The following GAB2 variants were observed in gnomAD, a reference collection of about 807,000 sequenced individuals.
The protein encoded by GAB2 is GRB2-associated-binding protein 2.
A neutral mutation model predicts 65.5 loss-of-function variants in GAB2; 26 were observed. The observed-to-expected ratio is 0.40, with a 90% confidence interval of 0.29 to 0.55. GAB2 has a LOEUF of 0.55. GAB2 is among the 20% of genes least tolerant of loss of function. The pLI, the probability that GAB2 is intolerant of heterozygous loss-of-function variation, is 0.53. For missense variants in GAB2, 884 were observed against 875.8 expected (o/e 1.01, Z -0.12); for synonymous variants, 321 against 329.6 (o/e 0.97, Z 0.28).
chr11:78,250,923 C>T (rs532332100), intron 2 of GAB2, among the ~76,000 whole-genome samples: 4 of 152,060 alleles, frequency 2.6e-5, no homozygotes, highest in East Asian at 1.9e-4. Flanking sequence ...GACATAAAGA[C>T]GGAAACAGTA....
intron 2 of GAB2, among the ~76,000 whole-genome samples, chr11:78,276,813 T>A (rs1016639881): frequency 2.1e-5 from 2 of 96,994 alleles, no homozygotes; most frequent in South Asian, 4.2e-4. Context: ...TTATTTATTT[T>A]ATTTATTTAT....
intron 2 of GAB2, among the ~76,000 whole-genome samples, chr11:78,270,523 C>T (rs746561602): frequency 3.3e-5 from 5 of 152,160 alleles, no homozygotes; most frequent in Non-Finnish European, 7.4e-5. Flanking sequence ...GATTCTGGGC[C>T]CTTCCACTCT....
At chr11:78,222,992 G>A (rs1206427052) in intron 6 of GAB2, among the ~76,000 whole-genome samples, 1 of 152,198 alleles carries the variant, frequency 6.6e-6, no homozygotes, top group African/African-American at 2.4e-5. Context: ...TGCCATAAGG[G>A]CTTGAGGGCT....
intron 1 of GAB2, among the ~76,000 whole-genome samples, chr11:78,345,245 C>G (rs1856162244): frequency 6.6e-6 from 1 of 152,138 alleles, no homozygotes; most frequent in Admixed American, 6.5e-5. Flanking sequence ...GCACCATTGA[C>G]TCCAGCCTGA....
intron 2 of GAB2, among the ~76,000 whole-genome samples, chr11:78,277,087 G>A (rs1866193076): frequency 6.6e-6 from 1 of 152,192 alleles, no homozygotes; most frequent in South Asian, 2.1e-4. Flanking sequence ...AAAGTGCTGG[G>A]ATTACAGGCA....
chr11:78,345,714 T>C (rs1465575065), intron 1 of GAB2, among the ~76,000 whole-genome samples: 1 of 152,176 alleles, frequency 6.6e-6, no homozygotes, highest in East Asian at 1.9e-4. Context: ...ACAGAATTTT[T>C]AGTAGGCAAA....
intron 9 of GAB2, 143 bp downstream of exon 9, chr11:78,220,176 A>C: frequency 2.5e-6 from 2 of 785,350 alleles, no homozygotes; most frequent in Non-Finnish European, 4.2e-6. Context: ...CTCTATGACT[A>C]AAGATGCATC....
In GAB2 at chr11:78,395,180, G is replaced by A. The variant is rs570267077; in HGVS notation, c.75+22466C>T. Among the ~76,000 whole-genome samples, 31 of 152,334 alleles carry A rather than the reference G, an allele frequency of 2.0e-4. 1 individual carries two copies. The highest frequency in any genetic ancestry group is 1.9e-4 in the East Asian group (1 of 5,176). ...GTAAAAAAAATCAACCAGGCCAGGC[G>A]CGGCGGCTCACGCCTGTAATCCCAG... On this transcript the variant is annotated intron_variant, in intron 1 of 9. Transcript: ENST00000361507.
intron 3 of GAB2, among the ~76,000 whole-genome samples, chr11:78,231,329 CGT>C (rs200881927): frequency 9.5e-5 from 11 of 115,728 alleles, no homozygotes; most frequent in Admixed American, 3.6e-4. Context: ...CGCGCGCGCG[CGT>C]GTGTGGTGTG....
At chr11:78,307,604 T>TAGAGGGAGAGAGAG (rs372962811) in intron 1 of GAB2, among the ~76,000 whole-genome samples, 4 of 121,884 alleles carry the variant, frequency 3.3e-5, no homozygotes, top group Non-Finnish European at 3.3e-5. Context: ...CAAAAAATGT[T>TAGAGGGAGAGAGAG]AGAGAGAGAG....
chr11:78,261,320 C>T (rs959770201), intron 2 of GAB2, among the ~76,000 whole-genome samples: 4 of 152,090 alleles, frequency 2.6e-5, no homozygotes, highest in Non-Finnish European at 4.4e-5. Context: ...GAACCAGAAC[C>T]AGAACAAGGC....
chr11:78,230,061 A>G (rs1864796124), intron 3 of GAB2, among the ~76,000 whole-genome samples: 1 of 152,260 alleles, frequency 6.6e-6, no homozygotes, highest in South Asian at 2.1e-4. Flanking sequence ...TTGAGGAAAG[A>G]AACTGTGTCT....
At chr11:78,324,106 A>AT (rs879847429) in intron 1 of GAB2, among the ~76,000 whole-genome samples, 60 of 146,792 alleles carry the variant, frequency 4.1e-4, no homozygotes, top group East Asian at 2.0e-3. Flanking sequence ...CTCCCTCTGA[A>AT]TTTTTTTTTT....
intron 1 of GAB2, among the ~76,000 whole-genome samples, chr11:78,411,342 A>G (rs943305235): frequency 6.6e-6 from 1 of 152,156 alleles, no homozygotes; most frequent in Non-Finnish European, 1.5e-5. Flanking sequence ...TTTTTTTTGC[A>G]TAAACAAGAT....
intron 3 of GAB2, among the ~76,000 whole-genome samples, chr11:78,230,077 A>C (rs1176357476): frequency 6.6e-6 from 1 of 152,142 alleles, no homozygotes; most frequent in African/African-American, 2.4e-5. Context: ...TGTCTTACTC[A>C]TTTTTCTCTC....
chr11:78,227,791 C>A (rs1254546368), intron 3 of GAB2, among the ~76,000 whole-genome samples: 1 of 152,042 alleles, frequency 6.6e-6, no homozygotes, highest in South Asian at 2.1e-4. Flanking sequence ...CAGAATGAGA[C>A]CCTGTTTCAA....
rs368659073 is a variant in GAB2, at chr11:78,406,473, G to A, written c.75+11173C>T. ...GCTCAGAGCAACCTCTGCCCCCTGG[G>A]TTGAAGCAATTCTCTCACCTCAGCC... is the stretch of plus-strand genomic sequence containing the variant. On this transcript the variant is annotated intron_variant, in intron 1 of 9. Coordinates refer to ENST00000361507, the MANE Select transcript of GAB2 (RefSeq NM_080491.3). Among the ~76,000 whole-genome samples the A allele has an allele frequency of 2.8e-4, 42 of 152,134 alleles. No homozygotes were observed. In the East Asian group the frequency reaches 3.5e-3, roughly 13 times the overall value.
chr11:78,278,987 C>T (rs1382379709), intron 2 of GAB2, among the ~76,000 whole-genome samples: 2 of 142,612 alleles, frequency 1.4e-5, no homozygotes, highest in African/African-American at 5.4e-5. Context: ...TTTCCCTCTA[C>T]CACTTTTTTT....
intron 2 of GAB2, 89 bp downstream of exon 2, chr11:78,280,512 A>G: frequency 1.9e-6 from 2 of 1,067,906 alleles, no homozygotes; most frequent in Non-Finnish European, 2.8e-6. Context: ...CCAACAGGAA[A>G]CCTTAGCTAG....
Sources: allele counts gnomAD v4.1 joint callset (sites outside exome capture counted in the v4.1 genomes callset), GRCh38; gene constraint gnomAD v4.1.1; transcripts MANE v1.5; gene names NCBI Gene and HGNC (gene_info 2026-07-23, HGNC 2026-07-21).